DOCK5: variants seen among roughly 807,000 people sequenced by gnomAD.
The protein encoded by DOCK5 is dedicator of cytokinesis protein 5.
In DOCK5, 142 loss-of-function variants were observed where a neutral mutation model predicts 251.8. That is an observed-to-expected ratio of 0.56 (90% CI 0.49 to 0.65). DOCK5 has a LOEUF of 0.65. Among genes scored for constraint, DOCK5 ranks in the 30% least tolerant of loss-of-function variants. The probability of loss-of-function intolerance (pLI) is 0.00; values close to 1 mark genes in which losing one functional copy is unlikely to be tolerated. For synonymous variants in DOCK5, 842 were observed against 835.5 expected (o/e 1.01, Z -0.13); for missense variants, 2,111 against 2,312.3 (o/e 0.91, Z 1.79).
At chr8:25,311,736 A>G (rs956622667) in intron 13 of DOCK5, among the ~76,000 whole-genome samples, 7 of 151,506 alleles carry the variant, frequency 4.6e-5, no homozygotes, top group East Asian at 2.0e-4. Context: ...AGCCTGACCA[A>G]CGTGGTGAAA....
chr8:25,277,474 C>T (rs1001452716), intron 4 of DOCK5: 4 of 152,198 alleles, frequency 2.6e-5, no homozygotes, highest in African/African-American at 9.7e-5. Flanking sequence ...CAGAGGTCTT[C>T]ATCGCTCCAG....
intron 1 of DOCK5, among the ~76,000 whole-genome samples, chr8:25,201,982 C>A (rs1801889222): frequency 6.6e-6 from 1 of 152,076 alleles, no homozygotes; most frequent in Non-Finnish European, 1.5e-5. Flanking sequence ...CCTTATCTTG[C>A]AAGAATCTTC....
At chr8:25,199,183 G>A (rs1367968655) in intron 1 of DOCK5, among the ~76,000 whole-genome samples, 2 of 152,098 alleles carry the variant, frequency 1.3e-5, no homozygotes, top group Non-Finnish European at 2.9e-5. Context: ...ACTGTGTTTT[G>A]CAAAGTAAAC....
At chr8:25,368,073 A>C in intron 31 of DOCK5, 119 bp from the exon 32 acceptor site, 1 of 742,794 alleles carries the variant, frequency 1.3e-6, no homozygotes, top group South Asian at 1.8e-5. Flanking sequence ...TCATCTCTTA[A>C]GGTTGGGCCT....
At chr8:25,272,646 C>G (rs376563494) in intron 3 of DOCK5, among the ~76,000 whole-genome samples, 1 of 152,154 alleles carries the variant, frequency 6.6e-6, no homozygotes, top group Non-Finnish European at 1.5e-5. Context: ...CCAGCGCCTC[C>G]GCAACCCCAC....
At chr8:25,199,643 A>G (rs895693284) in intron 1 of DOCK5, among the ~76,000 whole-genome samples, 1 of 152,194 alleles carries the variant, frequency 6.6e-6, no homozygotes, top group Non-Finnish European at 1.5e-5. Context: ...TTGGCCTCCC[A>G]AAGTGTTGGG....
Position 25,342,462 on chromosome 8 carries a change from A to T in DOCK5, c.2572A>T (p.Asn858Tyr), listed in dbSNP as rs940198850. 17 of 1,601,358 alleles carry T rather than the reference A, an allele frequency of 1.1e-5. No individual in the cohort carries two copies. In the Admixed American group the frequency reaches 2.0e-4, roughly 19 times the overall value. Residue 858 changes from asparagine to tyrosine, a missense_variant, in exon 25 of 52, where the codon AAC becomes TAC. Transcript: ENST00000276440. ...CAACCAGCTGGTTCGGCAGAAACTT[A>T]ACTGCATGACCAAGATAGTAGAGAG... ...PDNQLVRQKL[N>Y]CMTKIVESTL...
At chr8:25,402,641 C>T (rs779009891) in intron 47 of DOCK5, among the ~76,000 whole-genome samples, 2 of 151,730 alleles carry the variant, frequency 1.3e-5, no homozygotes, top group Non-Finnish European at 2.9e-5. Context: ...ATAGAGTCTC[C>T]CTATGTTGCC....
rs1800981500 is a variant in DOCK5, at chr8:25,377,388, G to C, written c.3900G>C (p.Leu1300=). The part of the protein sequence containing the change: ...VYTQQELKEK[L]YQEIISYFDK... ...CCCAGCAAGAGCTTAAAGAGAAGCT[G>C]TATCAAGAAATCATATCATATTTCG... The change falls in exon 38 of 52, where the codon CTG becomes CTC. Residue 1300 remains leucine, a synonymous_variant. Coordinates refer to ENST00000276440, the MANE Select transcript of DOCK5 (RefSeq NM_024940.8). 1.2e-6 allele frequency: 2 copies of C among 1,613,684 alleles called. No individual in the cohort carries two copies. Among genetic ancestry groups the C allele is most frequent in the African/African-American group, 2.7e-5 (2 of 74,924 alleles).
At chr8:25,185,760 G>A (rs1801414682) in intron 1 of DOCK5, among the ~76,000 whole-genome samples, 1 of 152,210 alleles carries the variant, frequency 6.6e-6, no homozygotes, top group South Asian at 2.1e-4. Context: ...TGTGCGCAGG[G>A]GTTGCTGGTG....
intron 22 of DOCK5, among the ~76,000 whole-genome samples, chr8:25,337,548 A>G (rs1036404838): frequency 1.3e-5 from 2 of 151,094 alleles, no homozygotes; most frequent in African/African-American, 4.8e-5. Flanking sequence ...TTTCAAATGT[A>G]GGGTATGTTA....
Position 25,292,134 on chromosome 8 carries a change from C to A in DOCK5, c.432C>A (p.Leu144=), listed in dbSNP as rs1301798625. The A allele has an allele frequency of 6.3e-7, 1 of 1,584,578 alleles. No homozygotes were observed. The highest frequency in any genetic ancestry group is 1.8e-5 in the Admixed American group (1 of 55,176). Residue 144 remains leucine, a synonymous_variant, in exon 6 of 52, where the codon CTC becomes CTA. Coordinates refer to ENST00000276440, the MANE Select transcript of DOCK5 (RefSeq NM_024940.8). The stretch of plus-strand genomic sequence containing the variant: ...TCCCCAAGGATGAACTGGCAGAGCT[C>A]AAGAAGAAAGTCACAGCCAAAATTG... The part of the protein sequence containing the change: ...GTLPKDELAE[L]KKKVTAKIDH...
chr8:25,194,861 C>T (rs1271737679), intron 1 of DOCK5, among the ~76,000 whole-genome samples: 1 of 152,148 alleles, frequency 6.6e-6, no homozygotes, highest in Non-Finnish European at 1.5e-5. Context: ...ATTACTGCTG[C>T]TGATGTTTCC....
At chr8:25,307,678 C>T (rs769066805) in intron 11 of DOCK5, among the ~76,000 whole-genome samples, 1 of 152,052 alleles carries the variant, frequency 6.6e-6, no homozygotes, top group Non-Finnish European at 1.5e-5. Context: ...ACCAGCTTTC[C>T]TCCAGCAACC....
At chr8:25,198,147 A>G (rs1801781644) in intron 1 of DOCK5, among the ~76,000 whole-genome samples, 1 of 152,166 alleles carries the variant, frequency 6.6e-6, no homozygotes, top group South Asian at 2.1e-4. Flanking sequence ...GTGCATTAGA[A>G]TGCACCCTCC....
chr8:25,249,051 T>C (rs576271203), intron 2 of DOCK5, among the ~76,000 whole-genome samples: 2 of 152,308 alleles, frequency 1.3e-5, no homozygotes, highest in African/African-American at 2.4e-5. Flanking sequence ...CAGGCTGGAA[T>C]GCAGTGGCAT....
chr8:25,268,409 G>C (rs974117258), intron 2 of DOCK5, among the ~76,000 whole-genome samples: 2 of 152,032 alleles, frequency 1.3e-5, no homozygotes, highest in African/African-American at 4.8e-5. Context: ...AAGAGTTACA[G>C]CAAATATAAT....
At chr8:25,203,694 C>G (rs1441525825) in intron 1 of DOCK5, among the ~76,000 whole-genome samples, 25 of 152,208 alleles carry the variant, frequency 1.6e-4, no homozygotes, top group Non-Finnish European at 4.4e-5. Flanking sequence ...GAGAGCCTCT[C>G]ATTTGTGGCC....
intron 1 of DOCK5, among the ~76,000 whole-genome samples, chr8:25,215,340 G>A (rs918802194): frequency 6.6e-6 from 1 of 152,128 alleles, no homozygotes; most frequent in Admixed American, 6.5e-5. Context: ...GGTAGGATGG[G>A]GGTGGGGGGA....
Sources: gnomAD v4.1 joint callset for allele counts (sites outside exome capture counted in the v4.1 genomes callset) on GRCh38, gnomAD v4.1.1 for gene constraint, MANE v1.5 for transcripts, NCBI Gene and HGNC (gene_info 2026-07-23, HGNC 2026-07-21) for gene names.